SLC25A13: variants seen among roughly 807,000 people sequenced by gnomAD.
SLC25A13 encodes solute carrier family 25 member 13, also known as electrogenic aspartate/glutamate antiporter SLC25A13, mitochondrial.
Under a neutral mutation model 85.5 loss-of-function variants are expected in SLC25A13, and 70 were observed. The observed-to-expected ratio is 0.82, with a 90% CI of 0.68 to 1.00. SLC25A13 has a LOEUF of 1.00. Among genes scored for constraint, SLC25A13 ranks in the 50% least tolerant of loss-of-function variants. The pLI, the probability that SLC25A13 is intolerant of heterozygous loss-of-function variation, is 0.00. For missense variants in SLC25A13, 765 were observed against 819.8 expected, an observed-to-expected ratio of 0.93 and a Z score of 0.82; for synonymous variants, 259 against 288.7, an observed-to-expected ratio of 0.90 and a Z score of 1.04.
At chr7:96,288,739 C>T (rs541881150) in intron 2 of SLC25A13, among the ~76,000 whole-genome samples, 1 of 152,150 alleles carries the variant, frequency 6.6e-6, no homozygotes, top group Non-Finnish European at 1.5e-5. Context: ...CCCACCATTG[C>T]TGAGGCTTGA....
At chr7:96,133,138 T>C (rs1792106688) in intron 14 of SLC25A13, among the ~76,000 whole-genome samples, 1 of 152,210 alleles carries the variant, frequency 6.6e-6, no homozygotes, top group South Asian at 2.1e-4. Context: ...GAACAAATGC[T>C]TGGAATCTGG....
At chr7:96,289,010 T>C (rs1173979571) in intron 2 of SLC25A13, among the ~76,000 whole-genome samples, 1 of 152,096 alleles carries the variant, frequency 6.6e-6, no homozygotes, top group African/African-American at 2.4e-5. Context: ...CGCCCCCCAG[T>C]AGGGGCAGAT....
At chr7:96,132,476 C>G (rs1189361558) in intron 14 of SLC25A13, among the ~76,000 whole-genome samples, 1 of 152,168 alleles carries the variant, frequency 6.6e-6, no homozygotes, top group Non-Finnish European at 1.5e-5. Flanking sequence ...AATGCCTGCT[C>G]TAAAGCCTGA....
chr7:96,274,387 C>A (rs932202123), intron 3 of SLC25A13, among the ~76,000 whole-genome samples: 29 of 152,154 alleles, frequency 1.9e-4, no homozygotes, highest in African/African-American at 6.7e-4. Context: ...TGTTTGAGTT[C>A]ATTGTAGATT....
In SLC25A13 at chr7:96,121,820, G is replaced by T. The variant is rs1243085393; in HGVS notation, c.1750+19C>A. 6.2e-7 allele frequency: 1 copy of T among 1,614,152 alleles called. No homozygotes were observed. The highest frequency in any genetic ancestry group is 8.5e-7 in the Non-Finnish European group (1 of 1,180,012). On this transcript the variant is annotated intron_variant, in intron 16 of 17. Coordinates refer to ENST00000265631, the MANE Select transcript of SLC25A13 (RefSeq NM_014251.3). ...TACCTGATACCAAAGAGTTAGTTAA[G>T]AACACATTATTTCCATACCACCAGC...
At chr7:96,259,885 T>C (rs1797780766) in intron 3 of SLC25A13, among the ~76,000 whole-genome samples, 1 of 151,996 alleles carries the variant, frequency 6.6e-6, no homozygotes, top group Admixed American at 6.6e-5. Context: ...CAAGAAAGAA[T>C]GAGTTCATGT....
chr7:96,136,500 T>C (rs2116446176), intron 14 of SLC25A13, among the ~76,000 whole-genome samples: 1 of 152,364 alleles, frequency 6.6e-6, no homozygotes, highest in East Asian at 1.9e-4. Flanking sequence ...CTCGCACGCA[T>C]GCTGTTGCAC....
chr7:96,174,046 G>A (rs141532573), intron 11 of SLC25A13, among the ~76,000 whole-genome samples: 80 of 152,344 alleles, frequency 5.3e-4, no homozygotes, highest in African/African-American at 1.7e-3. Context: ...AAGTGCATTG[G>A]TGGACAGATG....
rs1795570523 is a variant in SLC25A13 at position 96,208,872 on chromosome 7, T to G, written c.434A>C (p.His145Pro). 6.2e-7 allele frequency: 1 copy of G among 1,614,184 alleles called. No individual in the cohort carries two copies. The highest frequency in any genetic ancestry group is 8.5e-7 in the Non-Finnish European group (1 of 1,180,042). Reference protein sequence around the residue: ...QLHFGKERKRHLTYAEFTQFL... With the variant: ...QLHFGKERKRPLTYAEFTQFL... Reference sequence around the variant, plus strand: ...CTGAGTAAATTCCGCATATGTCAGGTGTCTTTTTCTTTCTTTTCCAAAATG... The same window carrying G: ...CTGAGTAAATTCCGCATATGTCAGGGGTCTTTTTCTTTCTTTTCCAAAATG... Residue 145 changes from histidine to proline, a missense_variant, in exon 5 of 18, where the codon CAC becomes CCC. Physicochemically the swap from His to Pro is moderately conservative, Grantham distance 77. Transcript: ENST00000265631.
intron 9 of SLC25A13, among the ~76,000 whole-genome samples, chr7:96,187,710 T>C (rs1794691205): frequency 6.6e-6 from 1 of 152,192 alleles, no homozygotes; most frequent in Non-Finnish European, 1.5e-5. Flanking sequence ...AAGCCAGAAC[T>C]GTAGCATGTT....
chr7:96,147,814 C>T (rs1046559438), intron 13 of SLC25A13, among the ~76,000 whole-genome samples: 1 of 152,070 alleles, frequency 6.6e-6, no homozygotes, highest in African/African-American at 2.4e-5. Flanking sequence ...AGTAAAAATG[C>T]TCATATGTTT....
chr7:96,245,184 C>T (rs991917516), intron 3 of SLC25A13, among the ~76,000 whole-genome samples: 12 of 152,186 alleles, frequency 7.9e-5, no homozygotes, highest in African/African-American at 2.9e-4. Context: ...AGGTATGATT[C>T]ATCCCTTTTC....
chr7:96,281,947 G>C (rs1214535906), intron 2 of SLC25A13, among the ~76,000 whole-genome samples: 1 of 152,038 alleles, frequency 6.6e-6, no homozygotes, highest in Non-Finnish European at 1.5e-5. Flanking sequence ...TATGTATGAG[G>C]GTAGTGATAA....
chr7:96,318,376 A>T (rs1033706413), intron 1 of SLC25A13, among the ~76,000 whole-genome samples: 3 of 152,220 alleles, frequency 2.0e-5, no homozygotes, highest in African/African-American at 4.8e-5. Context: ...CACCTTTTAA[A>T]ACTGTTTTTT....
intron 13 of SLC25A13, among the ~76,000 whole-genome samples, chr7:96,165,296 T>C (rs1353320077): frequency 2.6e-5 from 4 of 152,140 alleles, no homozygotes; most frequent in Non-Finnish European, 5.9e-5. Flanking sequence ...AGGGAGCGTA[T>C]GCTGGCAGTG....
chr7:96,143,603 T>C (rs771091029), intron 14 of SLC25A13, among the ~76,000 whole-genome samples: 1 of 152,230 alleles, frequency 6.6e-6, no homozygotes, highest in Non-Finnish European at 1.5e-5. Flanking sequence ...TTGTTTACTA[T>C]ATTTGTGCTA....
chr7:96,209,256 TA>T (rs1330681376), intron 4 of SLC25A13, among the ~76,000 whole-genome samples: 2 of 151,632 alleles, frequency 1.3e-5, no homozygotes, highest in Non-Finnish European at 2.9e-5. Context: ...AGTAGAAAGC[TA>T]AAACTATTAT....
chr7:96,257,634 G>A (rs1797691468), intron 3 of SLC25A13, among the ~76,000 whole-genome samples: 1 of 152,092 alleles, frequency 6.6e-6, no homozygotes. Flanking sequence ...TCTACCAGAG[G>A]TACAAAGAGG....
chr7:96,250,253 T>C (rs1208932802), intron 3 of SLC25A13, among the ~76,000 whole-genome samples: 1 of 152,108 alleles, frequency 6.6e-6, no homozygotes, highest in Non-Finnish European at 1.5e-5. Flanking sequence ...AGAAGGTGGG[T>C]TTCAATATGA....
Sources: gnomAD v4.1 joint callset for allele counts (sites outside exome capture counted in the v4.1 genomes callset) on GRCh38, gnomAD v4.1.1 for gene constraint, MANE v1.5 for transcripts, NCBI Gene and HGNC (gene_info 2026-07-23, HGNC 2026-07-21) for gene names.